Variants in SLC44A5 observed in about 807,000 individuals in gnomAD.
SLC44A5 encodes solute carrier family 44 member 5, also known as choline transporter-like protein 5.
SLC44A5 carries 57 observed loss-of-function variants against 101.8 expected under a neutral mutation model. The observed-to-expected ratio is 0.56, with a 90% CI of 0.45 to 0.70. The LOEUF (loss-of-function observed/expected upper bound fraction) is 0.70, where lower values mean the gene tolerates loss of function less well. Ranked by LOEUF, SLC44A5 falls within the 30% of genes least tolerant of loss-of-function variation. The pLI, the probability that SLC44A5 is intolerant of heterozygous loss-of-function variation, is 0.00. For synonymous variants in SLC44A5, 281 were observed against 290.9 expected (o/e 0.97, Z 0.35); for missense variants, 737 against 853.1 (o/e 0.86, Z 1.70).
chr1:75,307,907 A>G (rs1655029449), intron 4 of SLC44A5, among the ~76,000 whole-genome samples: 1 of 152,162 alleles, frequency 6.6e-6, no homozygotes, highest in Admixed American at 6.5e-5. Context: ...GAAATCAGAA[A>G]CCTCATAGAA....
intron 13 of SLC44A5, among the ~76,000 whole-genome samples, chr1:75,225,775 G>A (rs1427875999): frequency 6.6e-6 from 1 of 152,120 alleles, no homozygotes; most frequent in Non-Finnish European, 1.5e-5. Context: ...TGAAAGCGGA[G>A]GCTTATTTAT....
intron 3 of SLC44A5, among the ~76,000 whole-genome samples, chr1:75,369,152 T>C (rs1660060157): frequency 6.6e-6 from 1 of 151,992 alleles, no homozygotes; most frequent in Admixed American, 6.6e-5. Flanking sequence ...TAGCTATGAC[T>C]ACTGGTGCAC....
intron 1 of SLC44A5, among the ~76,000 whole-genome samples, chr1:75,581,872 C>T (rs1570668721): frequency 6.6e-6 from 1 of 152,212 alleles, no homozygotes; most frequent in Admixed American, 6.5e-5. Flanking sequence ...TCTTTGCTTT[C>T]CACTGTGACT....
chr1:75,215,797 A>G lies in SLC44A5; in HGVS notation c.1685T>C (p.Leu562Ser). ...QCCLRCCFWC[L>S]ENAIKFLNRN... is the part of the protein sequence containing the mutation. Reference sequence around the variant, plus strand: ...GTTTAAAAACTTTATTGCATTTTCCAAACACCAGAAGCAGCATCTCAGGCA... The same window carrying G: ...GTTTAAAAACTTTATTGCATTTTCCGAACACCAGAAGCAGCATCTCAGGCA... Residue 562 changes from leucine (L) to serine (S), a missense_variant, in exon 19 of 24, where the codon TTG (leucine) becomes TCG (serine). By Grantham distance (145) the Leu-to-Ser change is moderately radical (BLOSUM62 -2). Coordinates refer to ENST00000370859, the MANE Select transcript of SLC44A5 (RefSeq NM_001130058.2). The G allele has an allele frequency of 6.2e-7, 1 of 1,609,290 alleles. No homozygotes were observed. Among genetic ancestry groups the G allele is most frequent in the Non-Finnish European group, 8.5e-7 (1 of 1,176,096 alleles).
At chr1:75,677,767 G>A in the SLC44A5 span, 6 of 439,156 alleles carry the variant, frequency 1.4e-5, no homozygotes, top group South Asian at 8.0e-5. Flanking sequence ...AACCAAGATG[G>A]CCGAATAGGA....
chr1:75,449,173 G>T (rs945264138), intron 2 of SLC44A5, among the ~76,000 whole-genome samples: 1 of 152,214 alleles, frequency 6.6e-6, no homozygotes, highest in Non-Finnish European at 1.5e-5. Context: ...TTTTGTCAGT[G>T]TTGGTAATGA....
intron 2 of SLC44A5, among the ~76,000 whole-genome samples, chr1:75,519,126 C>G (rs918621553): frequency 7.2e-5 from 11 of 152,010 alleles, no homozygotes; most frequent in African/African-American, 2.4e-4. Context: ...CTCTGAATAT[C>G]TCTCTAAAAA....
chr1:75,318,716 A>G (rs957685078), intron 4 of SLC44A5, among the ~76,000 whole-genome samples: 1 of 152,166 alleles, frequency 6.6e-6, no homozygotes, highest in African/African-American at 2.4e-5. Context: ...TTACCCTTGG[A>G]TAGCTCTTGA....
At chr1:75,279,940 T>C (rs1177332386) in intron 5 of SLC44A5, among the ~76,000 whole-genome samples, 1 of 151,494 alleles carries the variant, frequency 6.6e-6, no homozygotes, top group Admixed American at 6.6e-5. Context: ...GTACATTGTA[T>C]CATTTGTATG....
chr1:75,706,172 A>G, the SLC44A5 span, among the ~76,000 whole-genome samples: 7 of 152,198 alleles, frequency 4.6e-5, no homozygotes, highest in African/African-American at 2.4e-5. Flanking sequence ...AATTTCCCCT[A>G]AGTCCACTAA....
chr1:75,225,602 CA>C (rs1647179526), intron 13 of SLC44A5, among the ~76,000 whole-genome samples: 1 of 152,106 alleles, frequency 6.6e-6, no homozygotes, highest in South Asian at 2.1e-4. Context: ...TCTCCGAACA[CA>C]AAATAGAACT....
At chr1:75,501,235 G>C (rs1668942175) in intron 2 of SLC44A5, among the ~76,000 whole-genome samples, 1 of 152,084 alleles carries the variant, frequency 6.6e-6, no homozygotes, top group East Asian at 1.9e-4. Context: ...TAGGGTCAGG[G>C]AGAGACAAAG....
Position 75,488,256 on chromosome 1 carries a change from G to A in SLC44A5, c.13+53179C>T, listed in dbSNP as rs137945848. Among the ~76,000 whole-genome samples, 908 of 152,180 alleles carry A rather than the reference G, an allele frequency of 6.0e-3. 3 individuals are homozygous for A. The highest frequency in any genetic ancestry group is 0.02 in the African/African-American group (849 of 41,524). ...CAAAACCATTCCCCTCCCAAAGTCCGTGGAAAAATTGTCTCCCAAGAAACC... is the reference window on the plus strand; with the variant it reads ...CAAAACCATTCCCCTCCCAAAGTCCATGGAAAAATTGTCTCCCAAGAAACC... On this transcript the variant is annotated intron_variant, in intron 2 of 23. Transcript: ENST00000370859.
the SLC44A5 span, among the ~76,000 whole-genome samples, chr1:75,695,764 T>C: frequency 1.3e-5 from 2 of 148,276 alleles, no homozygotes; most frequent in Non-Finnish European, 3.0e-5. Context: ...ATAATTTATA[T>C]ATAAATAAAA....
At chr1:75,375,172 T>A (rs1249212595) in intron 3 of SLC44A5, among the ~76,000 whole-genome samples, 1 of 152,160 alleles carries the variant, frequency 6.6e-6, no homozygotes, top group East Asian at 1.9e-4. Flanking sequence ...AAACTCAACT[T>A]CTGGAATTGA....
Position 75,215,787 on chromosome 1 carries a change from T to C in SLC44A5, c.1695A>G (p.Ala565=). The C allele has an allele frequency of 8.7e-6, 14 of 1,607,910 alleles. No individual in the cohort carries two copies. The highest frequency in any genetic ancestry group is 1.2e-5 in the Non-Finnish European group (14 of 1,174,890). Residue 565 remains alanine (A), a synonymous_variant, in exon 19 of 24, where the codon GCA becomes GCG. Transcript: ENST00000370859. Reference sequence around the variant, plus strand: ...AGGCATTTCTGTTTAAAAACTTTATTGCATTTTCCAAACACCAGAAGCAGC... The same window carrying C: ...AGGCATTTCTGTTTAAAAACTTTATCGCATTTTCCAAACACCAGAAGCAGC... The part of the protein sequence containing the change: ...LRCCFWCLEN[A]IKFLNRNAYI...
chr1:75,348,334 G>T (rs1658404100), intron 3 of SLC44A5, among the ~76,000 whole-genome samples: 2 of 152,118 alleles, frequency 1.3e-5, no homozygotes, highest in African/African-American at 2.4e-5. Context: ...TAGCCTCAAA[G>T]ATATTTATCA....
chr1:75,561,688 C>T (rs1259971352), intron 1 of SLC44A5, among the ~76,000 whole-genome samples: 2 of 152,154 alleles, frequency 1.3e-5, no homozygotes, highest in Admixed American at 1.3e-4. Flanking sequence ...CTCCAACATC[C>T]TGATAACCCT....
the SLC44A5 span, among the ~76,000 whole-genome samples, chr1:75,626,855 T>C: frequency 2.6e-5 from 4 of 152,146 alleles, no homozygotes; most frequent in African/African-American, 9.7e-5. Flanking sequence ...TTCTTAAAGC[T>C]TTTATAGTAC....
Sources: gnomAD v4.1 joint callset for allele counts (sites outside exome capture counted in the v4.1 genomes callset) on GRCh38, gnomAD v4.1.1 for gene constraint, MANE v1.5 for transcripts, NCBI Gene and HGNC (gene_info 2026-07-23, HGNC 2026-07-21) for gene names.